SKAP2: variants seen among roughly 807,000 people sequenced by gnomAD.
SKAP2 encodes the protein src kinase-associated phosphoprotein 2.
SKAP2 carries 28 observed loss-of-function variants against 54.9 expected under a neutral mutation model. The ratio of observed to expected loss-of-function variants is 0.51; its 90% CI spans 0.38 to 0.70. SKAP2 has a LOEUF of 0.70. SKAP2 is among the 30% of genes least tolerant of loss of function. The pLI, the probability that SKAP2 is intolerant of heterozygous loss-of-function variation, is 0.00. For synonymous variants in SKAP2, 137 were observed against 134.3 expected (o/e 1.02, Z -0.14); for missense variants, 356 against 424.1 (o/e 0.84, Z 1.41).
intron 4 of SKAP2, among the ~76,000 whole-genome samples, chr7:26,758,613 A>G (rs1041700837): frequency 1.3e-5 from 2 of 152,178 alleles, no homozygotes; most frequent in African/African-American, 4.8e-5. Flanking sequence ...GAAAGCTTTC[A>G]GCTTACCCTT....
intron 4 of SKAP2, among the ~76,000 whole-genome samples, chr7:26,769,965 CA>C (rs1196693035): frequency 3.9e-5 from 6 of 152,158 alleles, no homozygotes; most frequent in African/African-American, 1.4e-4. Flanking sequence ...TGACCCTTAG[CA>C]GAGCTTGAGA....
At chr7:26,862,528 T>A (rs555251626) in intron 1 of SKAP2, among the ~76,000 whole-genome samples, 1 of 152,152 alleles carries the variant, frequency 6.6e-6, no homozygotes, top group South Asian at 2.1e-4. Flanking sequence ...AAAATGTCAA[T>A]AAAATGACTT....
intron 4 of SKAP2, among the ~76,000 whole-genome samples, chr7:26,815,474 GT>G (rs1562621398): frequency 6.6e-6 from 1 of 152,086 alleles, no homozygotes; most frequent in Non-Finnish European, 1.5e-5. Flanking sequence ...TCAATAATTA[GT>G]TTTAAAAGGG....
chr7:26,673,340 A>G, intron 11 of SKAP2, among the ~76,000 whole-genome samples: 1 of 152,084 alleles, frequency 6.6e-6, no homozygotes, highest in Non-Finnish European at 1.5e-5. Context: ...GAGTCCTTTA[A>G]TCTACAGGAA....
the SKAP2 span, among the ~76,000 whole-genome samples, chr7:26,660,341 ATCT>A: frequency 6.6e-6 from 1 of 152,098 alleles, no homozygotes; most frequent in South Asian, 2.1e-4. Context: ...AATGAGAATA[ATCT>A]TCTAGCATGA....
chr7:26,799,964 A>C (rs1783876043), intron 4 of SKAP2, among the ~76,000 whole-genome samples: 1 of 148,096 alleles, frequency 6.8e-6, no homozygotes, highest in African/African-American at 2.5e-5. Flanking sequence ...TAAAAATACA[A>C]AAAAAAAAAA....
intron 4 of SKAP2, among the ~76,000 whole-genome samples, chr7:26,750,642 G>T (rs866072084): frequency 6.6e-6 from 1 of 151,984 alleles, no homozygotes; most frequent in African/African-American, 2.4e-5. Context: ...GTGGGGTGTT[G>T]TTTCATCTGT....
At chr7:26,829,830 A>G (rs993952072) in intron 4 of SKAP2, among the ~76,000 whole-genome samples, 27 of 152,228 alleles carry the variant, frequency 1.8e-4, no homozygotes, top group Non-Finnish European at 3.5e-4. Flanking sequence ...AGTCATTTGG[A>G]AAAAGTTTGG....
intron 9 of SKAP2, among the ~76,000 whole-genome samples, chr7:26,716,618 C>T (rs1787447259): frequency 6.6e-6 from 1 of 152,074 alleles, no homozygotes; most frequent in Non-Finnish European, 1.5e-5. Flanking sequence ...CTTAATTTTA[C>T]CATATTTTCT....
At chr7:26,833,789 C>T (rs1035675193) in intron 4 of SKAP2, among the ~76,000 whole-genome samples, 11 of 152,082 alleles carry the variant, frequency 7.2e-5, no homozygotes, top group Non-Finnish European at 1.2e-4. Context: ...ATTAGATCAA[C>T]GAGACAGAAA....
In SKAP2 at chr7:26,667,579, T is replaced by G. The variant is rs1275437791; in HGVS notation, c.*2087A>C. On this transcript the variant is annotated 3_prime_UTR_variant, in exon 13 of 13. Transcript: ENST00000345317. ...GAACAGAAATAACACCTTATTTCTGTATTGTCACTGTTCACGAGACTATCT... is the reference window on the plus strand; with the variant it reads ...GAACAGAAATAACACCTTATTTCTGGATTGTCACTGTTCACGAGACTATCT... The G allele has an allele frequency of 6.6e-6, 1 of 152,576 alleles. No homozygotes were observed. The highest frequency in any genetic ancestry group is 1.5e-5 in the Non-Finnish European group (1 of 68,004). 9.5% of individuals were successfully genotyped at this position (152,576 alleles called of 1,614,324 possible). A position where few individuals can be genotyped will look rare whatever the true frequency, so the allele number is the denominator to read the frequency against.
intron 4 of SKAP2, among the ~76,000 whole-genome samples, chr7:26,804,555 G>A (rs1296911703): frequency 3.9e-5 from 6 of 151,930 alleles, no homozygotes; most frequent in South Asian, 4.1e-4. Flanking sequence ...CCTGGCTAAT[G>A]TGGTGAAACG....
chr7:26,734,033 G>T (rs1787873981), intron 6 of SKAP2, among the ~76,000 whole-genome samples: 1 of 152,178 alleles, frequency 6.6e-6, no homozygotes, highest in Non-Finnish European at 1.5e-5. Flanking sequence ...CAATAGTTTA[G>T]AACAGGTTCC....
intron 9 of SKAP2, among the ~76,000 whole-genome samples, chr7:26,722,685 A>T (rs1264129444): frequency 6.6e-6 from 1 of 152,210 alleles, no homozygotes; most frequent in Non-Finnish European, 1.5e-5. Context: ...CTAGGATTAC[A>T]GGCGTGAGCC....
At chr7:26,758,309 CT>C (rs1404627204) in intron 4 of SKAP2, among the ~76,000 whole-genome samples, 13 of 151,936 alleles carry the variant, frequency 8.6e-5, no homozygotes, top group African/African-American at 2.9e-4. Context: ...AAAAAATAGG[CT>C]TTTAAGTAAT....
At chr7:26,756,624 G>C (rs1266263320) in intron 4 of SKAP2, among the ~76,000 whole-genome samples, 1 of 152,108 alleles carries the variant, frequency 6.6e-6, no homozygotes, top group African/African-American at 2.4e-5. Flanking sequence ...ATTGTGAGTA[G>C]TGCCGCAATA....
In SKAP2 at chr7:26,669,149, T is replaced by C. The variant is rs1364233996; in HGVS notation, c.*517A>G. ...GTGAAAATAAATAATAACAATAAAGTTATCTATAAAGTTTGAACATTCTTT... is the reference window on the plus strand; with the variant it reads ...GTGAAAATAAATAATAACAATAAAGCTATCTATAAAGTTTGAACATTCTTT... On this transcript the variant is annotated 3_prime_UTR_variant, in exon 13 of 13. Coordinates refer to ENST00000345317, the MANE Select transcript of SKAP2 (RefSeq NM_003930.5). 1 of 152,152 alleles carries C rather than the reference T, an allele frequency of 6.6e-6. No homozygotes were observed. The highest frequency in any genetic ancestry group is 1.5e-5 in the Non-Finnish European group (1 of 68,022). The allele number at this position is 152,152 out of a possible 1,614,324, so 9.4% of individuals were successfully genotyped here.
rs184615507 is a variant in SKAP2, at chr7:26,812,703, T to G, written c.307+31327A>C. ...GTATAATAGGTATGTTAAAAAACTA[T>G]TACCAAAAATAATGCAAGAATAAAA... On this transcript the variant is annotated intron_variant, in intron 4 of 12. Transcript: ENST00000345317. Among the ~76,000 whole-genome samples the G allele has an allele frequency of 2.0e-5, 3 of 152,268 alleles. No homozygotes were observed. In the East Asian group the frequency reaches 5.8e-4, roughly 29 times the overall value.
At chr7:26,827,890 C>T (rs1784522913) in intron 4 of SKAP2, among the ~76,000 whole-genome samples, 1 of 152,186 alleles carries the variant, frequency 6.6e-6, no homozygotes, top group South Asian at 2.1e-4. Context: ...ATAGCAAGTG[C>T]TGCTTAGAAA....
Sources: gnomAD v4.1 joint callset for allele counts (sites outside exome capture counted in the v4.1 genomes callset) on GRCh38, gnomAD v4.1.1 for gene constraint, MANE v1.5 for transcripts, NCBI Gene and HGNC (gene_info 2026-07-23, HGNC 2026-07-21) for gene names.